The following INPP4B variants were observed in gnomAD, a reference collection of about 807,000 sequenced individuals.
The protein encoded by INPP4B is inositol polyphosphate-4-phosphatase type II B.
In INPP4B, 55 loss-of-function variants were observed where a neutral mutation model predicts 122.5. The ratio of observed to expected loss-of-function variants is 0.45; its 90% CI spans 0.36 to 0.56. INPP4B has a LOEUF of 0.56. INPP4B is among the 20% of genes least tolerant of loss of function. The pLI is 0.00. For missense variants in INPP4B, 1,000 were observed against 1,097.7 expected (o/e 0.91, Z 1.26); for synonymous variants, 403 against 388.7 (o/e 1.04, Z -0.43).
chr4:142,733,542 G>A (rs890799070), intron 1 of INPP4B, among the ~76,000 whole-genome samples: 1 of 151,986 alleles, frequency 6.6e-6, no homozygotes, highest in Non-Finnish European at 1.5e-5. Context: ...ACCTTTATTA[G>A]TCTTTTGGAA....
intron 5 of INPP4B, chr4:142,426,452 A>C (rs572092868): frequency 1.3e-5 from 2 of 152,102 alleles, no homozygotes; most frequent in South Asian, 4.1e-4. Flanking sequence ...TAACACAAAG[A>C]AACAAAATAT....
chr4:142,066,444 T>C lies in INPP4B; in HGVS notation c.2642+15587A>G, dbSNP rs774465104. ...CCTGGTGAGCTAATTAAAACACTGA[T>C]TGCTGGACCCACGTGTGGAGTTTCT... On this transcript the variant is annotated intron_variant, in intron 25 of 25. Transcript: ENST00000262992. Among the ~76,000 whole-genome samples, 3 of 152,244 alleles carry C rather than the reference T, an allele frequency of 2.0e-5. No individual in the cohort carries two copies. The South Asian group carries it at 6.2e-4, about 32-fold the overall frequency.
At chr4:142,389,251 GAAAAA>G (rs199976631) in intron 7 of INPP4B, among the ~76,000 whole-genome samples, 1 of 89,510 alleles carries the variant, frequency 1.1e-5, no homozygotes, top group Non-Finnish European at 2.6e-5. Flanking sequence ...CTCCATCTCA[GAAAAA>G]AAAAAAAAAA....
intron 1 of INPP4B, among the ~76,000 whole-genome samples, chr4:142,768,126 C>T (rs1377284396): frequency 6.6e-6 from 1 of 152,158 alleles, no homozygotes; most frequent in African/African-American, 2.4e-5. Context: ...TAAAGTAATT[C>T]ATGTAAAGTG....
intron 7 of INPP4B, among the ~76,000 whole-genome samples, chr4:142,400,752 A>G (rs988029309): frequency 4.1e-4 from 63 of 152,308 alleles, no homozygotes; most frequent in South Asian, 4.1e-4. Context: ...TTTACGCCAT[A>G]ACACCTCTGA....
chr4:142,085,936 A>G (rs1185290587), intron 24 of INPP4B, among the ~76,000 whole-genome samples: 1 of 152,220 alleles, frequency 6.6e-6, no homozygotes, highest in African/African-American at 2.4e-5. Flanking sequence ...AGTGAGCAAG[A>G]GTCTTTCTTA....
At chr4:142,652,891 G>A (rs563554194) in intron 2 of INPP4B, among the ~76,000 whole-genome samples, 1 of 152,290 alleles carries the variant, frequency 6.6e-6, no homozygotes, top group Admixed American at 6.5e-5. Context: ...CCAAAAAAGA[G>A]CCTGCATTGC....
chr4:142,556,621 A>G lies in INPP4B; in HGVS notation c.-190-93895T>C, dbSNP rs187696871. Reference sequence around the variant, plus strand: ...AGGAAAGTCAGCTCAGGTCAGAGAGAAAAAGACCATTAGTCCAGCCTTGGA... The same window carrying G: ...AGGAAAGTCAGCTCAGGTCAGAGAGGAAAAGACCATTAGTCCAGCCTTGGA... On this transcript the variant is annotated intron_variant, in intron 2 of 25. Transcript: ENST00000262992. Among the ~76,000 whole-genome samples the G allele has an allele frequency of 2.0e-4, 31 of 152,270 alleles. No homozygotes were observed. In the East Asian group the frequency reaches 5.0e-3, roughly 25 times the overall value.
chr4:142,177,926 A>G (rs1829072203), intron 15 of INPP4B, among the ~76,000 whole-genome samples: 1 of 152,148 alleles, frequency 6.6e-6, no homozygotes, highest in Non-Finnish European at 1.5e-5. Flanking sequence ...TCTTGCTCCA[A>G]GACTCAGCTC....
At chr4:142,728,387 C>A (rs897720385) in intron 1 of INPP4B, among the ~76,000 whole-genome samples, 5 of 152,204 alleles carry the variant, frequency 3.3e-5, no homozygotes, top group African/African-American at 1.2e-4. Flanking sequence ...AGACCAACAT[C>A]TGCATAACAT....
At chr4:142,760,647 G>A (rs1283670886) in intron 1 of INPP4B, among the ~76,000 whole-genome samples, 3 of 152,072 alleles carry the variant, frequency 2.0e-5, no homozygotes, top group Non-Finnish European at 4.4e-5. Context: ...TGAAAAAAAA[G>A]TGAATCTGAT....
intron 7 of INPP4B, among the ~76,000 whole-genome samples, chr4:142,331,899 C>T (rs944223454): frequency 7.6e-6 from 1 of 131,030 alleles, no homozygotes; most frequent in East Asian, 2.2e-4. Flanking sequence ...CAGAATGTAC[C>T]ACAAAGCTGG....
At position 142,024,592 on chromosome 4, in the gene INPP4B, G is replaced by A. The variant is rs1157989066; in HGVS notation, c.*4190C>T. On this transcript the variant is annotated 3_prime_UTR_variant, in exon 26 of 26. Transcript: ENST00000262992. ...AACCAAACAAATGATATACCATCCT[G>A]CTTGGAAATCAAACACCTAAAACAT... 6.6e-6 allele frequency: 1 copy of A among 152,038 alleles called. No homozygotes were observed. Among genetic ancestry groups the A allele is most frequent in the Non-Finnish European group, 1.5e-5 (1 of 67,992 alleles). The allele number at this position is 152,038 out of a possible 1,614,324, so 9.4% of individuals were successfully genotyped here.
chr4:142,348,640 T>C (rs1259690893), intron 7 of INPP4B, among the ~76,000 whole-genome samples: 2 of 152,080 alleles, frequency 1.3e-5, no homozygotes, highest in East Asian at 1.9e-4. Context: ...AAGAGCTTGG[T>C]GACACATTAA....
rs1242588162 is a variant in INPP4B at position 142,105,541 on chromosome 4, C to T, written c.2374+2552G>A. ...GAGAAGAGTAAAAAGATGAGAGCCA[C>T]TTGACTGGGAGTGAATATATAAGCT... is the stretch of plus-strand genomic sequence containing the variant. On this transcript the variant is annotated intron_variant, in intron 23 of 25. Coordinates refer to ENST00000262992, the MANE Select transcript of INPP4B (RefSeq NM_001101669.3). 3.9e-5 allele frequency among the ~76,000 whole-genome samples: 6 copies of T among 152,146 alleles called. No homozygotes were observed. In the South Asian group the frequency reaches 6.2e-4, roughly 16 times the overall value.
intron 2 of INPP4B, among the ~76,000 whole-genome samples, chr4:142,564,334 T>C (rs998397817): frequency 3.3e-5 from 5 of 151,142 alleles, no homozygotes; most frequent in East Asian, 2.0e-4. Context: ...GGGACAGTTA[T>C]GTCAGGCAGA....
intron 2 of INPP4B, among the ~76,000 whole-genome samples, chr4:142,579,104 T>A (rs769468857): frequency 2.1e-4 from 32 of 152,040 alleles, no homozygotes; most frequent in Non-Finnish European, 1.6e-4. Context: ...ATAGAGTTCC[T>A]AAAACAAAGT....
At chr4:142,223,311 A>C (rs1850182672) in intron 12 of INPP4B, among the ~76,000 whole-genome samples, 1 of 152,234 alleles carries the variant, frequency 6.6e-6, no homozygotes, top group Non-Finnish European at 1.5e-5. Context: ...TAATCAAAAA[A>C]TAAAATAAAA....
At chr4:142,064,919 A>G (rs960577047) in intron 25 of INPP4B, among the ~76,000 whole-genome samples, 1 of 152,204 alleles carries the variant, frequency 6.6e-6, no homozygotes. Context: ...TAGTTGAGAA[A>G]ACAGACATCA....
Sources: gnomAD v4.1 joint callset for allele counts (sites outside exome capture counted in the v4.1 genomes callset) on GRCh38, gnomAD v4.1.1 for gene constraint, MANE v1.5 for transcripts, NCBI Gene and HGNC (gene_info 2026-07-23, HGNC 2026-07-21) for gene names.